RTN4RL1: variants seen among roughly 807,000 people sequenced by gnomAD.
The protein encoded by RTN4RL1 is reticulon 4 receptor like 1.
Under a neutral mutation model 25.6 loss-of-function variants are expected in RTN4RL1, and 7 were observed. That is an observed-to-expected ratio of 0.27 (90% CI 0.16 to 0.51). RTN4RL1 has a LOEUF of 0.51. Ranked by LOEUF, RTN4RL1 falls within the 20% of genes least tolerant of loss-of-function variation. RTN4RL1 has a pLI of 0.97. For synonymous variants in RTN4RL1, 297 were observed against 288.2 expected (o/e 1.03, Z -0.31); for missense variants, 500 against 615.6 (o/e 0.81, Z 1.99).
chr17:1,951,889 C>T (rs1429656317), intron 1 of RTN4RL1, among the ~76,000 whole-genome samples: 2 of 152,066 alleles, frequency 1.3e-5, no homozygotes, highest in African/African-American at 2.4e-5. Flanking sequence ...GGCAGAAAGG[C>T]GGAGGCAGAA....
intron 1 of RTN4RL1, chr17:2,023,799 G>C (rs1330457447): frequency 6.6e-6 from 1 of 152,104 alleles, no homozygotes; most frequent in Non-Finnish European, 1.5e-5. Context: ...GGCGGATTAA[G>C]GCTGGAGCGT....
intron 1 of RTN4RL1, among the ~76,000 whole-genome samples, chr17:1,951,536 C>T (rs1915679995): frequency 6.6e-6 from 1 of 152,008 alleles, no homozygotes; most frequent in South Asian, 2.1e-4. Flanking sequence ...ACTGCAACCT[C>T]TGCCTCCGAG....
intron 1 of RTN4RL1, among the ~76,000 whole-genome samples, chr17:1,963,041 G>A (rs2066773262): frequency 6.6e-6 from 1 of 151,874 alleles, no homozygotes. Context: ...GGGCTCAAAC[G>A]ATCCTCCTGC....
intron 1 of RTN4RL1, among the ~76,000 whole-genome samples, chr17:1,990,160 G>A (rs2151318937): frequency 6.6e-6 from 1 of 152,170 alleles, no homozygotes; most frequent in South Asian, 2.1e-4. Flanking sequence ...AAGAGGTTGA[G>A]ACCAGCCTGA....
At chr17:2,016,877 C>T in intron 1 of RTN4RL1, among the ~76,000 whole-genome samples, 1 of 152,246 alleles carries the variant, frequency 6.6e-6, no homozygotes, top group Non-Finnish European at 1.5e-5. Flanking sequence ...CTCCTTCCTT[C>T]TCCCAGCTTG....
At chr17:1,999,849 C>T (rs540334163) in intron 1 of RTN4RL1, among the ~76,000 whole-genome samples, 15 of 152,380 alleles carry the variant, frequency 9.8e-5, no homozygotes, top group East Asian at 5.8e-4. Flanking sequence ...TCCTGCCCTC[C>T]GGCCTCACGG....
At chr17:1,969,862 G>GCA (rs2066810253) in intron 1 of RTN4RL1, among the ~76,000 whole-genome samples, 1 of 152,136 alleles carries the variant, frequency 6.6e-6, no homozygotes, top group Admixed American at 6.6e-5. Flanking sequence ...AACAGGCTCA[G>GCA]CAGGATGGTT....
intron 1 of RTN4RL1, among the ~76,000 whole-genome samples, chr17:1,958,026 A>T (rs1915824995): frequency 6.6e-6 from 1 of 151,824 alleles, no homozygotes; most frequent in African/African-American, 2.4e-5. Flanking sequence ...AACTAAAAAA[A>T]TAAAAAATAA....
At position 1,935,668 on chromosome 17, in the gene RTN4RL1, C is replaced by T. The variant is rs770024589; in HGVS notation, c.*828G>A. On this transcript the variant is annotated 3_prime_UTR_variant, in exon 2 of 2. Coordinates refer to ENST00000331238, the MANE Select transcript of RTN4RL1 (RefSeq NM_178568.4). The stretch of plus-strand genomic sequence containing the variant: ...TGTATAGTTTATAAACATGAAAAGA[C>T]GTACAGTTAGGTAACGGAGTGGGAG... The T allele has an allele frequency of 6.1e-5, 59 of 966,018 alleles. No individual in the cohort carries two copies. Among genetic ancestry groups the T allele is most frequent in the Admixed American group, 4.8e-4 (7 of 14,434 alleles). 59.8% of individuals were successfully genotyped at this position (966,018 alleles called of 1,614,324 possible). A position where few individuals can be genotyped will look rare whatever the true frequency, so the allele number is the denominator to read the frequency against.
intron 1 of RTN4RL1, among the ~76,000 whole-genome samples, chr17:1,974,512 A>G (rs2066834490): frequency 6.6e-6 from 1 of 152,196 alleles, no homozygotes; most frequent in Non-Finnish European, 1.5e-5. Context: ...AGAGTTTAAT[A>G]AAGGGATGAT....
At chr17:1,987,777 C>A (rs2066893186) in intron 1 of RTN4RL1, among the ~76,000 whole-genome samples, 1 of 151,204 alleles carries the variant, frequency 6.6e-6, no homozygotes, top group Admixed American at 6.6e-5. Context: ...ACGGACTTTC[C>A]ACACATTATC....
In RTN4RL1 at chr17:1,936,782, G is replaced by C; in HGVS notation, c.1040C>G (p.Pro347Arg). The C allele has an allele frequency of 6.3e-7, 1 of 1,591,048 alleles. No homozygotes were observed. ...GTTCTTCCCCGGCTTCCTGTGGCCG[G>C]GCCGGGGGCCGTGCGGGTGGCCCTT... is the stretch of plus-strand genomic sequence containing the variant. ...RSKGHPHGPRPGHRKPGKNCT... is the reference protein window; with the variant it reads ...RSKGHPHGPRRGHRKPGKNCT... Residue 347 changes from proline (P) to arginine (R), a missense_variant, in exon 2 of 2, where the codon CCC (proline) becomes CGC (arginine). This residue lies in a region of RTN4RL1 where 268 missense variants were observed against 274.5 expected (regional missense o/e 0.98). Coordinates refer to ENST00000331238, the MANE Select transcript of RTN4RL1 (RefSeq NM_178568.4).
intron 1 of RTN4RL1, among the ~76,000 whole-genome samples, chr17:1,940,955 T>C (rs1915425809): frequency 6.6e-6 from 1 of 152,084 alleles, no homozygotes; most frequent in African/African-American, 2.4e-5. Context: ...TTTCGTCCCT[T>C]GGGCTGCAGC....
intron 1 of RTN4RL1, among the ~76,000 whole-genome samples, chr17:1,942,342 G>C (rs1597486615): frequency 6.6e-6 from 1 of 152,058 alleles, no homozygotes; most frequent in Admixed American, 6.6e-5. Flanking sequence ...GGTGCCAGTG[G>C]GGAGGGCCCA....
chr17:2,006,197 G>A (rs1183556111), intron 1 of RTN4RL1, among the ~76,000 whole-genome samples: 1 of 150,886 alleles, frequency 6.6e-6, no homozygotes, highest in Non-Finnish European at 1.5e-5. Flanking sequence ...TTGCTCTGTG[G>A]CCCAGGCTGG....
intron 1 of RTN4RL1, among the ~76,000 whole-genome samples, chr17:1,982,679 C>G (rs1055195838): frequency 1.3e-5 from 2 of 152,070 alleles, no homozygotes; most frequent in Non-Finnish European, 2.9e-5. Context: ...TCCACAAACA[C>G]CGGGCCCTCG....
chr17:1,997,793 G>A (rs942146572), intron 1 of RTN4RL1, among the ~76,000 whole-genome samples: 2 of 152,228 alleles, frequency 1.3e-5, no homozygotes, highest in Admixed American at 6.5e-5. Context: ...GGCCTGAGCC[G>A]GGGCTGGGAG....
intron 1 of RTN4RL1, among the ~76,000 whole-genome samples, chr17:1,980,084 G>C (rs1217945638): frequency 6.6e-6 from 1 of 151,892 alleles, no homozygotes; most frequent in Non-Finnish European, 1.5e-5. Flanking sequence ...TTTTGTTTGA[G>C]ACAGGGCCTC....
intron 1 of RTN4RL1, among the ~76,000 whole-genome samples, chr17:1,982,961 G>A (rs1278794112): frequency 6.6e-6 from 1 of 152,178 alleles, no homozygotes; most frequent in African/African-American, 2.4e-5. Context: ...CAGGCACCCC[G>A]CAGGGCAGCA....
Sources: gnomAD v4.1 joint callset for allele counts (sites outside exome capture counted in the v4.1 genomes callset) on GRCh38, gnomAD v4.1.1 for gene constraint, gnomAD v4.1.1 regional missense constraint, MANE v1.5 for transcripts, NCBI Gene and HGNC (gene_info 2026-07-23, HGNC 2026-07-21) for gene names.